NBN: variants seen among roughly 807,000 people sequenced by gnomAD.
The protein encoded by NBN is Nijmegen breakage syndrome 1 (nibrin).
Under a neutral mutation model 90.8 loss-of-function variants are expected in NBN, and 88 were observed. That is an observed-to-expected ratio of 0.97 (90% CI 0.82 to 1.16). The LOEUF is 1.16. Among genes scored for constraint, NBN ranks in the 50% most tolerant of loss-of-function variants. The pLI, the probability that NBN is intolerant of heterozygous loss-of-function variation, is 0.00. For missense variants in NBN, 894 were observed against 869.6 expected, an observed-to-expected ratio of 1.03 and a Z score of -0.35; for synonymous variants, 328 against 295.1, an observed-to-expected ratio of 1.11 and a Z score of -1.14.
chr8:89,957,704 A>G (rs1302506236), intron 9 of NBN, among the ~76,000 whole-genome samples: 1 of 152,090 alleles, frequency 6.6e-6, no homozygotes, highest in Non-Finnish European at 1.5e-5. Context: ...TTCTATGTTT[A>G]GATACACAAA....
intron 7 of NBN, among the ~76,000 whole-genome samples, chr8:89,967,504 C>A (rs183471482): frequency 4.6e-5 from 7 of 152,060 alleles, no homozygotes; most frequent in Non-Finnish European, 1.0e-4. Context: ...ATGTGTATTA[C>A]GCATAAATCA....
chr8:89,956,088 T>C (rs1805817), intron 9 of NBN, among the ~76,000 whole-genome samples: 1 of 151,292 alleles, frequency 6.6e-6, no homozygotes, highest in Non-Finnish European at 1.5e-5. Flanking sequence ...AACTTTAGAT[T>C]ACCAGAAAAA....
Position 89,958,725 on chromosome 8 carries a change from C to T in NBN, c.1124G>A (p.Trp375Ter), listed in dbSNP as rs1394437421. The stretch of plus-strand genomic sequence containing the variant: ...TAGTACGGTAATGAAGAAGCTTTAC[C>T]ATGTATCTGCTTGCTCTGATTCTGT... ...ADTESEQADT[W>*]DLSERPKEIK... The change falls in exon 9 of 16, where the codon TGG becomes TAG. Residue 375 changes from tryptophan to a stop codon, truncating the protein, a stop_gained and splice_region_variant. Coordinates refer to ENST00000265433, the MANE Select transcript of NBN (RefSeq NM_002485.5). LOFTEE classifies it high-confidence loss of function. The T allele has an allele frequency of 1.2e-6, 2 of 1,613,580 alleles. No homozygotes were observed. The highest frequency in any genetic ancestry group is 1.1e-5 in the South Asian group (1 of 91,064).
chr8:89,941,850 G>A (rs952462755), intron 14 of NBN, among the ~76,000 whole-genome samples: 25 of 152,130 alleles, frequency 1.6e-4, no homozygotes, highest in African/African-American at 6.0e-4. Flanking sequence ...TATCCTGAGT[G>A]ACCTTAACAA....
At chr8:89,960,688 C>T (rs1177084379) in intron 8 of NBN, among the ~76,000 whole-genome samples, 1 of 152,018 alleles carries the variant, frequency 6.6e-6, no homozygotes, top group Admixed American at 6.6e-5. Flanking sequence ...CCCAAAATAA[C>T]TGGTGTTTGT....
intron 15 of NBN, chr8:89,936,015 C>T (rs1402432589): frequency 2.8e-6 from 1 of 355,352 alleles, no homozygotes; most frequent in Non-Finnish European, 5.4e-6. Flanking sequence ...TTTTCTCCTA[C>T]AGCAGTTAAA....
At chr8:89,973,915 A>G (rs2129857678) in intron 5 of NBN, among the ~76,000 whole-genome samples, 1 of 152,342 alleles carries the variant, frequency 6.6e-6, no homozygotes, top group Admixed American at 6.5e-5. Context: ...AGAGCTACAA[A>G]TAATTATGTT....
intron 10 of NBN, among the ~76,000 whole-genome samples, chr8:89,954,619 G>T (rs990074542): frequency 1.3e-5 from 2 of 151,982 alleles, no homozygotes; most frequent in African/African-American, 4.8e-5. Flanking sequence ...TGAAACCCCT[G>T]TGGAAAAGAA....
At position 89,935,612 on chromosome 8, in the gene NBN, T is replaced by C. The variant is rs754865465; in HGVS notation, c.2235A>G (p.Arg745=). The C allele has an allele frequency of 1.2e-6, 2 of 1,607,872 alleles. No individual in the cohort carries two copies. Among genetic ancestry groups the C allele is most frequent in the South Asian group, 2.2e-5 (2 of 90,994 alleles). Residue 745 remains arginine, a splice_region_variant and synonymous_variant, in exon 16 of 16, where the codon AGA becomes AGG. Transcript: ENST00000265433. ...TTCTCCTTTTTAAATAAGGATTGTA[T>C]CTGCAAAGAAAGAAATGGGGTTAAA... The part of the protein sequence containing the change: ...KEESLADDLF[R]YNPYLKRRR
chr8:89,965,240 A>C (rs1305855554), intron 7 of NBN, among the ~76,000 whole-genome samples: 1 of 152,202 alleles, frequency 6.6e-6, no homozygotes, highest in Non-Finnish European at 1.5e-5. Flanking sequence ...AGAGAAGTAG[A>C]CAGAACTATA....
At chr8:89,947,206 AT>A (rs891229959) in intron 12 of NBN, among the ~76,000 whole-genome samples, 14 of 152,164 alleles carry the variant, frequency 9.2e-5, no homozygotes, top group Admixed American at 1.3e-4. Flanking sequence ...CATCAACCTC[AT>A]TTTATAGAGT....
In NBN at chr8:89,936,148, G is replaced by GCTCAC. The variant is rs1435027339; in HGVS notation, c.2235-541_2235-537dup. On this transcript the variant is annotated intron_variant, in intron 15 of 15. Coordinates refer to ENST00000265433, the MANE Select transcript of NBN (RefSeq NM_002485.5). ...TCTGGAGTGCAGTGGCGCGATCTTGGCTCACGCAGCCTCCGCCTCCTGGGT... is the reference window on the plus strand; with the variant it reads ...TCTGGAGTGCAGTGGCGCGATCTTGGCTCACCTCACGCAGCCTCCGCCTCCTGGGT... 1.8e-5 allele frequency: 6 copies of GCTCAC among 336,342 alleles called. No individual in the cohort carries two copies. In the East Asian group the frequency reaches 6.1e-4, roughly 34 times the overall value. The allele number at this position is 336,342 out of a possible 1,614,324, so 20.8% of individuals were successfully genotyped here. A position where few individuals can be genotyped will look rare whatever the true frequency, so the allele number is the denominator to read the frequency against.
intron 13 of NBN, 102 bp downstream of exon 13, chr8:89,946,038 A>G: frequency 1.2e-6 from 1 of 867,218 alleles, no homozygotes; most frequent in Non-Finnish European, 1.8e-6. Flanking sequence ...CAGAAGAAGT[A>G]TCAGTTTTCA....
At chr8:89,950,063 C>G (rs1457001066) in intron 11 of NBN, among the ~76,000 whole-genome samples, 2 of 152,188 alleles carry the variant, frequency 1.3e-5, no homozygotes, top group African/African-American at 4.8e-5. Flanking sequence ...AAAGGGTTCG[C>G]TGCATGTGGA....
chr8:89,955,024 AG>A (rs1267047274), intron 10 of NBN, among the ~76,000 whole-genome samples: 3 of 152,096 alleles, frequency 2.0e-5, no homozygotes, highest in Non-Finnish European at 4.4e-5. Flanking sequence ...GAGCTGAGAC[AG>A]GGGGTTAGTT....
Position 89,978,283 on chromosome 8 carries a change from G to C in NBN, c.521C>G (p.Pro174Arg). 1 of 1,598,338 alleles carries C rather than the reference G, an allele frequency of 6.3e-7. No individual in the cohort carries two copies. The change falls in exon 5 of 16, where the codon CCA becomes CGA. Residue 174 changes from proline to arginine, a missense_variant. Coordinates refer to ENST00000265433, the MANE Select transcript of NBN (RefSeq NM_002485.5). ...TTTCAGGAATTCAGTAAAATATTCT[G>C]GCTTTACAATTGGACGTCCACAAAT... The part of the protein sequence containing the change: ...ALICGRPIVK[P>R]EYFTEFLKAV...
At chr8:89,953,213 T>A in intron 11 of NBN, 31 bp downstream of exon 11, 1 of 1,477,050 alleles carries the variant, frequency 6.8e-7, no homozygotes, top group South Asian at 1.1e-5. Context: ...AGCTTCTATG[T>A]ACTATACCTC....
intron 8 of NBN, among the ~76,000 whole-genome samples, chr8:89,963,572 T>G (rs1811099148): frequency 6.6e-6 from 1 of 152,224 alleles, no homozygotes; most frequent in African/African-American, 2.4e-5. Flanking sequence ...AAAAAATTTT[T>G]TTAAAAACTA....
chr8:89,970,290 T>A, intron 7 of NBN, 74 bp downstream of exon 7: 1 of 1,302,556 alleles, frequency 7.7e-7, no homozygotes, highest in Non-Finnish European at 1.1e-6. Context: ...CATTGTTAGG[T>A]GAAAAGCAAC....
Sources: gnomAD v4.1 joint callset for allele counts (sites outside exome capture counted in the v4.1 genomes callset) on GRCh38, gnomAD v4.1.1 for gene constraint, MANE v1.5 for transcripts, NCBI Gene and HGNC (gene_info 2026-07-23, HGNC 2026-07-21) for gene names.